The following SPEG variants were observed in gnomAD, a reference collection of about 807,000 sequenced individuals.
The protein encoded by SPEG is striated muscle preferentially expressed protein kinase.
In SPEG, 114 loss-of-function variants were observed where a neutral mutation model predicts 300.4. The ratio of observed to expected loss-of-function variants is 0.38; its 90% CI spans 0.33 to 0.44. The LOEUF (loss-of-function observed/expected upper bound fraction) is 0.44, where lower values mean the gene tolerates loss of function less well. SPEG is among the 20% of genes least tolerant of loss of function. SPEG has a pLI of 1.00. For missense variants in SPEG, 4,201 were observed against 4,586.2 expected (o/e 0.92, Z 2.43); for synonymous variants, 1,964 against 2,018.9 (o/e 0.97, Z 0.73).
chr2:219,451,000 T>TAGAAGGTCTGCCTTCTAGA, intron 4 of SPEG, 136 bp from the exon 5 acceptor site: 2 of 844,864 alleles, frequency 2.4e-6, no homozygotes, highest in Non-Finnish European at 3.5e-6. Flanking sequence ...GACCCTCTTC[T>TAGAAGGTCTGCCTTCTAGA]CCCCAAGTCC....
Position 219,490,395 on chromosome 2 carries a change from C to T in SPEG, c.8922-14C>T. The stretch of plus-strand genomic sequence containing the variant: ...CTCCTCTGAGCCGGTGGTGTCCCTC[C>T]CCCCGACACACAGGGGCCGCTTTGG... On this transcript the variant is annotated splice_polypyrimidine_tract_variant and intron_variant, in intron 36 of 40. Transcript: ENST00000312358. 6.2e-7 allele frequency: 1 copy of T among 1,604,714 alleles called. No homozygotes were observed. Among genetic ancestry groups the T allele is most frequent in the Non-Finnish European group, 8.5e-7 (1 of 1,175,360 alleles).
chr2:219,465,992 C>A, intron 9 of SPEG: 1 of 1,336,206 alleles, frequency 7.5e-7, no homozygotes, highest in Non-Finnish European at 1.1e-6. Context: ...TGTGTGTGTG[C>A]GCGTGCGTGC....
At position 219,490,569 on chromosome 2, in the gene SPEG, G is replaced by A. The variant is rs749130771; in HGVS notation, c.9082G>A (p.Ala3028Thr). 1 of 1,614,008 alleles carries A rather than the reference G, an allele frequency of 6.2e-7. No homozygotes were observed. Among genetic ancestry groups the A allele is most frequent in the East Asian group, 2.2e-5 (1 of 44,886 alleles). Residue 3028 changes from alanine (A) to threonine (T), a missense_variant, in exon 37 of 41, where the codon GCC (alanine) becomes ACC (threonine). Coordinates refer to ENST00000312358, the MANE Select transcript of SPEG (RefSeq NM_005876.5). The stretch of plus-strand genomic sequence containing the variant: ...CGAGCGGATCATGTCCCTGCACGAG[G>A]CCTACATCACCCCTCGGTACCTCGT... ...HHERIMSLHE[A>T]YITPRYLVLI...
At chr2:219,483,031 G>A (rs1201562069) in intron 29 of SPEG, 67 bp from the exon 30 acceptor site, 2 of 1,514,634 alleles carry the variant, frequency 1.3e-6, no homozygotes, top group African/African-American at 2.8e-5. Context: ...CAGGGCTGAG[G>A]TGGGCCTGGG....
At chr2:219,452,413 C>T (rs2125315713) in intron 6 of SPEG, among the ~76,000 whole-genome samples, 1 of 152,308 alleles carries the variant, frequency 6.6e-6, no homozygotes, top group Non-Finnish European at 1.5e-5. Context: ...GGATTCAGCC[C>T]AGTTTCTTTC....
chr2:219,489,772 T>G lies in SPEG; in HGVS notation c.8754T>G (p.Pro2918=), dbSNP rs751385700. The G allele has an allele frequency of 3.7e-6, 6 of 1,613,270 alleles. No individual in the cohort carries two copies. The South Asian group carries it at 5.5e-5, about 15-fold the overall frequency. The stretch of plus-strand genomic sequence containing the variant: ...CACCAGCCCCTGAGCCCCCAGCCCC[T>G]GAGCCCCCTCCTGAGCCTACCAAGG... The part of the protein sequence containing the change: ...SAPPAPEPPA[P]EPPPEPTKVT... Residue 2918 remains proline, a synonymous_variant, in exon 36 of 41, where the codon CCT becomes CCG. Coordinates refer to ENST00000312358, the MANE Select transcript of SPEG (RefSeq NM_005876.5).
rs1553613403 is a variant in SPEG, at chr2:219,470,948, T to TTTGG, written c.3716-919_3716-918insTGGT. The stretch of plus-strand genomic sequence containing the variant: ...ATATATCATAGAATGTATTTGGTAC[T>TTTGG]TACTGTGTGTGAGGTTCTGGGTCTG... On this transcript the variant is annotated intron_variant, in intron 13 of 40. Transcript: ENST00000312358. Among the ~76,000 whole-genome samples, 96 of 152,056 alleles carry TTTGG rather than the reference T, an allele frequency of 6.3e-4. 2 individuals carry two copies. The highest frequency in any genetic ancestry group is 2.1e-3 in the African/African-American group (89 of 41,426).
At chr2:219,467,990 G>A (rs1691525693) in intron 10 of SPEG, among the ~76,000 whole-genome samples, 1 of 152,230 alleles carries the variant, frequency 6.6e-6, no homozygotes. Context: ...ACATGGAAGG[G>A]CAGAGATTAT....
chr2:219,448,848 C>T lies in SPEG; in HGVS notation c.1690C>T (p.Pro564Ser). Residue 564 changes from proline (P) to serine (S), a missense_variant, in exon 4 of 41, where the codon CCG (proline) becomes TCG (serine). By Grantham distance (74) the Pro-to-Ser change is moderately conservative. This residue lies in a region of SPEG where 1,258 missense variants were observed against 1,293.9 expected (regional missense o/e 0.97). Transcript: ENST00000312358. The stretch of plus-strand genomic sequence containing the variant: ...GCCCTCTCCGAGCAGCGCGGAGAAG[C>T]CGGGGGACGAGCCTGGGAGGCCCAG... ...QPPSPSSAEK[P>S]GDEPGRPRSR... The T allele has an allele frequency of 7.1e-7, 1 of 1,401,644 alleles. No homozygotes were observed. The highest frequency in any genetic ancestry group is 9.2e-7 in the Non-Finnish European group (1 of 1,086,246). 86.8% of individuals were successfully genotyped at this position (1,401,644 alleles called of 1,614,324 possible). A position where few individuals can be genotyped will look rare whatever the true frequency, so the allele number is the denominator to read the frequency against.
At chr2:219,455,881 T>C (rs901080436) in intron 6 of SPEG, among the ~76,000 whole-genome samples, 1 of 152,110 alleles carries the variant, frequency 6.6e-6, no homozygotes, top group Non-Finnish European at 1.5e-5. Context: ...CAGGAGGAAG[T>C]GGGAGTATGG....
At chr2:219,487,869 A>G (rs1379235712) in intron 31 of SPEG, among the ~76,000 whole-genome samples, 1 of 152,130 alleles carries the variant, frequency 6.6e-6, no homozygotes, top group East Asian at 1.9e-4. Context: ...CTTTTATTTT[A>G]TTTAACAAAT....
At chr2:219,446,645 G>A (rs73991553) in intron 3 of SPEG, among the ~76,000 whole-genome samples, 14 of 152,292 alleles carry the variant, frequency 9.2e-5, no homozygotes, top group African/African-American at 3.1e-4. Flanking sequence ...CCTACTACTT[G>A]TCCTCCCTTC....
Position 219,490,432 on chromosome 2 carries a change from C to T in SPEG, c.8945C>T (p.Ala2982Val), listed in dbSNP as rs77554911. The T allele has an allele frequency of 2.4e-5, 38 of 1,612,216 alleles. No homozygotes were observed. The highest frequency in any genetic ancestry group is 1.7e-4 in the Middle Eastern group (1 of 5,886). ...KARGRFGVVRACRENATGRTF... is the reference protein window; with the variant it reads ...KARGRFGVVRVCRENATGRTF... ...AGGGGCCGCTTTGGTGTTGTGCGAG[C>T]GTGCCGGGAGAATGCCACGGGGCGA... Residue 2982 changes from alanine to valine, a missense_variant, in exon 37 of 41, where the codon GCG (alanine) becomes GTG (valine). Physicochemically the swap from Ala to Val is moderately conservative, Grantham distance 64 (BLOSUM62 0). Around this residue, in one of 4 missense-constraint regions of SPEG, gnomAD observed 318 missense variants for 429.5 expected, o/e 0.74. Transcript: ENST00000312358.
chr2:219,477,205 A>T lies in SPEG; in HGVS notation c.4561-72A>T. 4.7e-6 allele frequency: 1 copy of T among 211,074 alleles called. No homozygotes were observed. Among genetic ancestry groups the T allele is most frequent in the Non-Finnish European group, 9.4e-6 (1 of 106,040 alleles). 13.1% of individuals were successfully genotyped at this position (211,074 alleles called of 1,614,324 possible). A position where few individuals can be genotyped will look rare whatever the true frequency, so the allele number is the denominator to read the frequency against. On this transcript the variant is annotated intron_variant, in intron 19 of 40. Transcript: ENST00000312358. This position sits in a 1 kb window ranked among gnomAD's most constrained non-coding sequence, Gnocchi z 6.4. ...TGGTGAGAGATGCGCTGCCCAGAGT[A>T]GGAGATGAGGCCCTGGCCCCAAGGT... is the stretch of plus-strand genomic sequence containing the variant.
chr2:219,475,995 CTCCTCAG>C (rs1304799105), intron 18 of SPEG, among the ~76,000 whole-genome samples: 1 of 151,836 alleles, frequency 6.6e-6, no homozygotes, highest in Non-Finnish European at 1.5e-5. Flanking sequence ...CATCCTACTT[CTCCTCAG>C]TCTGAGATGC....
At chr2:219,488,130 C>T in intron 31 of SPEG, 64 bp from the exon 32 acceptor site, 1 of 1,059,576 alleles carries the variant, frequency 9.4e-7, no homozygotes, top group East Asian at 2.5e-5. Flanking sequence ...TTCTCCACCC[C>T]TCCCTCAGCA....
Position 219,468,653 on chromosome 2 carries a change from TGGA to T in SPEG, c.3221_3223del (p.Glu1074del). The T allele has an allele frequency of 6.2e-7, 1 of 1,614,062 alleles. No individual in the cohort carries two copies. Among genetic ancestry groups the T allele is most frequent in the Non-Finnish European group, 8.5e-7 (1 of 1,179,994 alleles). ...CTGTTCACACGGCTGCTGGAAGATG[TGGA>T]GGTGTTGGAGGGCCGAGCTGCCCGT... is the stretch of plus-strand genomic sequence containing the variant. On this transcript the variant is annotated inframe_deletion, in exon 11 of 41. Coordinates refer to ENST00000312358, the MANE Select transcript of SPEG (RefSeq NM_005876.5).
At position 219,481,454 on chromosome 2, in the gene SPEG, G is replaced by C; in HGVS notation, c.5520G>C (p.Arg1840=). The C allele has an allele frequency of 6.2e-7, 1 of 1,614,054 alleles. No homozygotes were observed. The highest frequency in any genetic ancestry group is 8.5e-7 in the Non-Finnish European group (1 of 1,179,976). The change falls in exon 27 of 41, where the codon CGG becomes CGC. Residue 1840 remains arginine (R), a splice_region_variant and synonymous_variant. Coordinates refer to ENST00000312358, the MANE Select transcript of SPEG (RefSeq NM_005876.5). The surrounding 1 kb of genome is among the most constrained non-coding windows in gnomAD (Gnocchi z 5.4). The part of the protein sequence containing the change: ...GFLIKVLVQD[R]LRPTAEETLE... Reference sequence around the variant, plus strand: ...TCATCAAAGTGTTGGTGCAGGACCGGCTGTGAGTACAAGGCCCTGGGAGCC... The same window carrying C: ...TCATCAAAGTGTTGGTGCAGGACCGCCTGTGAGTACAAGGCCCTGGGAGCC...
In SPEG at chr2:219,489,046, G is replaced by A; in HGVS notation, c.8150-8G>A. ...GTGACCTCAGCCCCTCCCCCATACT[G>A]CCTATAGGGGAGTCTGTGTGGCACC... On this transcript the variant is annotated splice_region_variant and splice_polypyrimidine_tract_variant and intron_variant, in intron 34 of 40. Transcript: ENST00000312358. 1.9e-6 allele frequency: 3 copies of A among 1,613,416 alleles called. No individual in the cohort carries two copies. Among genetic ancestry groups the A allele is most frequent in the Non-Finnish European group, 1.7e-6 (2 of 1,179,726 alleles).
Sources: allele counts gnomAD v4.1 joint callset (sites outside exome capture counted in the v4.1 genomes callset), GRCh38; gene constraint gnomAD v4.1.1; regional missense constraint gnomAD v4.1.1; non-coding constraint Gnocchi (gnomAD v3.1); transcripts MANE v1.5; gene names NCBI Gene and HGNC (gene_info 2026-07-23, HGNC 2026-07-21).